PCCA: variants seen among roughly 807,000 people sequenced by gnomAD.
PCCA encodes propionyl-CoA carboxylase subunit alpha.
Under a neutral mutation model 101.3 loss-of-function variants are expected in PCCA, and 74 were observed. The ratio of observed to expected loss-of-function variants is 0.73; its 90% CI spans 0.61 to 0.89. The LOEUF (loss-of-function observed/expected upper bound fraction) is 0.89. PCCA is among the 40% of genes least tolerant of loss of function. PCCA has a pLI of 0.00. For missense variants in PCCA, 891 were observed against 907.0 expected (o/e 0.98, Z 0.23); for synonymous variants, 294 against 313.6 (o/e 0.94, Z 0.66).
intron 12 of PCCA, among the ~76,000 whole-genome samples, chr13:100,273,867 TC>T (rs1258156688): frequency 6.6e-6 from 1 of 152,196 alleles, no homozygotes; most frequent in African/African-American, 2.4e-5. Context: ...CTTCCTTAGT[TC>T]TAACCAAATC....
At chr13:100,278,501 T>TTA (rs2063825796) in intron 12 of PCCA, among the ~76,000 whole-genome samples, 1 of 151,558 alleles carries the variant, frequency 6.6e-6, no homozygotes, top group Non-Finnish European at 1.5e-5. Context: ...TTTTTTTTTT[T>TTA]AAACAGAGTC....
At chr13:100,218,452 G>A (rs2059638846) in intron 7 of PCCA, among the ~76,000 whole-genome samples, 1 of 152,108 alleles carries the variant, frequency 6.6e-6, no homozygotes, top group Non-Finnish European at 1.5e-5. Context: ...AAAGTGCTGG[G>A]ATTACAGGCG....
intron 6 of PCCA, among the ~76,000 whole-genome samples, chr13:100,159,525 A>G (rs2054236832): frequency 6.6e-6 from 1 of 152,140 alleles, no homozygotes; most frequent in Non-Finnish European, 1.5e-5. Context: ...CATGTTACGG[A>G]AAATAAGTTG....
chr13:100,181,743 T>C (rs2056801269), intron 6 of PCCA, among the ~76,000 whole-genome samples: 1 of 147,776 alleles, frequency 6.8e-6, no homozygotes, highest in South Asian at 2.2e-4. Flanking sequence ...CTAATATTCT[T>C]TTTTTTGTTT....
chr13:100,246,844 C>A (rs545139807), intron 8 of PCCA, among the ~76,000 whole-genome samples: 1 of 149,750 alleles, frequency 6.7e-6, no homozygotes, highest in East Asian at 2.0e-4. Flanking sequence ...TATGCAATGT[C>A]TTATAGAAAA....
chr13:100,098,171 C>T (rs7320549), intron 1 of PCCA, among the ~76,000 whole-genome samples: 4,973 of 152,014 alleles, frequency 0.033, 277 homozygotes, highest in African/African-American at 0.11. Context: ...CACTGCAGTC[C>T]AGCCTGGGCA....
Position 100,282,344 on chromosome 13 carries a change from C to T in PCCA, c.1065+8998C>T, listed in dbSNP as rs535234299. On this transcript the variant is annotated intron_variant, in intron 12 of 23. Transcript: ENST00000376285. Reference sequence around the variant, plus strand: ...TCCTCTGCCTGGGCTCCAACTTTGGCGGCACTTGAGGAGCCTTCAGCCCAC... The same window carrying T: ...TCCTCTGCCTGGGCTCCAACTTTGGTGGCACTTGAGGAGCCTTCAGCCCAC... Among the ~76,000 whole-genome samples, 69 of 152,364 alleles carry T rather than the reference C, an allele frequency of 4.5e-4. No homozygotes were observed. In the South Asian group the frequency reaches 4.8e-3, roughly 11 times the overall value.
intron 15 of PCCA, among the ~76,000 whole-genome samples, chr13:100,308,594 G>A (rs554158674): frequency 6.6e-6 from 1 of 152,178 alleles, no homozygotes; most frequent in Admixed American, 6.5e-5. Flanking sequence ...TCAAAGTGCT[G>A]GGATTACAAA....
At chr13:100,248,634 C>T (rs1467147956) in intron 8 of PCCA, among the ~76,000 whole-genome samples, 1 of 151,998 alleles carries the variant, frequency 6.6e-6, no homozygotes, top group African/African-American at 2.4e-5. Context: ...GTTAATTTTT[C>T]AATTGGGTGG....
At chr13:100,188,295 AAAAC>A (rs75853629) in intron 6 of PCCA, among the ~76,000 whole-genome samples, 1 of 29,498 alleles carries the variant, frequency 3.4e-5, no homozygotes, top group South Asian at 2.9e-3. Flanking sequence ...CTGTCTCAAA[AAAAC>A]AAAACAAAAC....
intron 8 of PCCA, among the ~76,000 whole-genome samples, chr13:100,242,354 G>A (rs2061191368): frequency 6.6e-6 from 1 of 152,254 alleles, no homozygotes; most frequent in South Asian, 2.1e-4. Flanking sequence ...AATTACAAAT[G>A]TATATGCACC....
intron 21 of PCCA, among the ~76,000 whole-genome samples, chr13:100,488,898 A>AT (rs1352850325): frequency 1.3e-5 from 2 of 151,076 alleles, no homozygotes; most frequent in African/African-American, 4.9e-5. Context: ...CCCCACTTTT[A>AT]TTTTTTTTCA....
chr13:100,470,181 C>T (rs895934744), intron 21 of PCCA, among the ~76,000 whole-genome samples: 14 of 152,198 alleles, frequency 9.2e-5, no homozygotes, highest in Non-Finnish European at 7.3e-5. Context: ...TCAATCAGCT[C>T]ATCCGCCAGC....
In PCCA at chr13:100,107,232, T is replaced by A. The variant is rs549794242; in HGVS notation, c.183+4272T>A. ...AATTTAATCATTACTGAAAACGTTA[T>A]TTTTTTTAACTTGAGTTTTAACAAG... On this transcript the variant is annotated intron_variant, in intron 2 of 23. Transcript: ENST00000376285. Among the ~76,000 whole-genome samples, 10 of 152,246 alleles carry A rather than the reference T, an allele frequency of 6.6e-5. No individual in the cohort carries two copies. In the South Asian group the frequency reaches 2.1e-3, roughly 32 times the overall value.
chr13:100,314,873 G>C (rs1240952407), intron 16 of PCCA, among the ~76,000 whole-genome samples: 1 of 152,154 alleles, frequency 6.6e-6, no homozygotes, highest in African/African-American at 2.4e-5. Flanking sequence ...TTTTTCTTTT[G>C]TAGTAAGGGT....
intron 4 of PCCA, among the ~76,000 whole-genome samples, chr13:100,127,870 C>T (rs558189282): frequency 3.4e-4 from 52 of 151,864 alleles, no homozygotes; most frequent in African/African-American, 1.2e-3. Context: ...TCAGCCTGGG[C>T]GACAGAGCTA....
intron 17 of PCCA, among the ~76,000 whole-genome samples, chr13:100,337,812 G>A (rs2070729176): frequency 6.6e-6 from 1 of 152,154 alleles, no homozygotes; most frequent in South Asian, 2.1e-4. Context: ...GTGCATATGT[G>A]TCTAAAGAAC....
intron 19 of PCCA, among the ~76,000 whole-genome samples, chr13:100,382,216 G>A (rs1156284798): frequency 6.6e-6 from 1 of 152,206 alleles, no homozygotes; most frequent in Non-Finnish European, 1.5e-5. Flanking sequence ...GTGGCTCTCA[G>A]TGGGAAGAGA....
chr13:100,487,470 T>C (rs2084478923), intron 21 of PCCA, among the ~76,000 whole-genome samples: 1 of 152,212 alleles, frequency 6.6e-6, no homozygotes, highest in Admixed American at 6.5e-5. Context: ...TTTCAGTTAG[T>C]TGATTGTGTG....
Sources: allele counts gnomAD v4.1 joint callset (sites outside exome capture counted in the v4.1 genomes callset), GRCh38; gene constraint gnomAD v4.1.1; transcripts MANE v1.5; gene names NCBI Gene and HGNC (gene_info 2026-07-23, HGNC 2026-07-21).